The following SFTPB variants were observed in gnomAD, a reference collection of about 807,000 sequenced individuals.
SFTPB encodes the protein surfactant protein B.
Under a neutral mutation model 51.0 loss-of-function variants are expected in SFTPB, and 32 were observed. The observed-to-expected ratio is 0.63, with a 90% CI of 0.47 to 0.84. The LOEUF is 0.84. SFTPB is among the 40% of genes least tolerant of loss of function. The pLI is 0.00. For synonymous variants in SFTPB, 211 were observed against 208.5 expected (o/e 1.01, Z -0.10); for missense variants, 431 against 491.2 (o/e 0.88, Z 1.16).
intron 8 of SFTPB, among the ~76,000 whole-genome samples, chr2:85,662,609 G>A (rs1349317436): frequency 1.3e-5 from 2 of 152,150 alleles, no homozygotes; most frequent in Non-Finnish European, 2.9e-5. Context: ...GGGAGGCCAA[G>A]GCGGGCAGAT....
At chr2:85,666,457 G>T (rs1163893322) in intron 4 of SFTPB, 160 bp downstream of exon 4, 2 of 640,072 alleles carry the variant, frequency 3.1e-6, no homozygotes, top group South Asian at 1.8e-5. Flanking sequence ...CCGGCTGGCT[G>T]GGGTGCTGTG....
rs1053656713 is a variant in SFTPB, at chr2:85,659,305, G to A, written c.*397C>T. ...CCAATCTTTGAGTGCATGGGGGTGG[G>A]TGTGAGGCGGGGCTCAGCTTCAACC... is the stretch of plus-strand genomic sequence containing the variant. On this transcript the variant is annotated 3_prime_UTR_variant, in exon 11 of 11. Coordinates refer to ENST00000519937, the MANE Select transcript of SFTPB (RefSeq NM_000542.5). 3.3e-5 allele frequency: 5 copies of A among 152,232 alleles called. No individual in the cohort carries two copies. Among genetic ancestry groups the A allele is most frequent in the Admixed American group, 3.3e-4 (5 of 15,278 alleles). 9.4% of individuals were successfully genotyped at this position (152,232 alleles called of 1,614,324 possible).
Position 85,663,805 on chromosome 2 carries a change from G to A in SFTPB, c.715C>T (p.Pro239Ser). 6.2e-7 allele frequency: 1 copy of A among 1,600,796 alleles called. No homozygotes were observed. The highest frequency in any genetic ancestry group is 2.3e-5 in the East Asian group (1 of 44,294). Residue 239 changes from proline to serine, a missense_variant, in exon 7 of 11, where the codon CCT becomes TCT. Transcript: ENST00000519937. The stretch of plus-strand genomic sequence containing the variant: ...TGGCAGATGCCGCCCGCCACCAGAG[G>A]TACCACGCGGCACACCTGGGCCACT... ...VAVAQVCRVV[P>S]LVAGGICQCL...
At chr2:85,666,494 TG>T in intron 4 of SFTPB, 122 bp downstream of exon 4, 4 of 123,622 alleles carry the variant, frequency 3.2e-5, no homozygotes, top group South Asian at 1.0e-4. Context: ...GCTTGGGTGC[TG>T]TGTGTGTGTG....
At chr2:85,666,398 T>C in intron 4 of SFTPB, 1 of 526,384 alleles carries the variant, frequency 1.9e-6, no homozygotes, top group Non-Finnish European at 3.5e-6. Flanking sequence ...GTACTGTGTG[T>C]GTGTGTGTCC....
chr2:85,666,215 C>CTGTG (rs34530476), intron 4 of SFTPB, among the ~76,000 whole-genome samples: 29,125 of 96,108 alleles, frequency 0.3, 4,558 homozygotes, highest in East Asian at 0.56. Context: ...TGTGTGTGTG[C>CTGTG]TGTGTGTGTG....
intron 8 of SFTPB, among the ~76,000 whole-genome samples, chr2:85,662,639 G>A (rs1333671690): frequency 6.6e-6 from 1 of 152,000 alleles, no homozygotes; most frequent in Non-Finnish European, 1.5e-5. Context: ...TCAGGGGTTC[G>A]AGACCAGCCT....
chr2:85,668,275 G>A (rs1189205953), upstream of SFTPB: 1 of 1,271,950 alleles, frequency 7.9e-7, no homozygotes, highest in East Asian at 2.6e-5. Context: ...AGCGACCTCA[G>A]TGTTTGTCTT....
chr2:85,663,597 C>A (rs1024857486), intron 7 of SFTPB, 67 bp downstream of exon 7: 1 of 1,593,382 alleles, frequency 6.3e-7, no homozygotes, highest in South Asian at 1.1e-5. Context: ...GGGAGAGGGT[C>A]ATGCAGTGGC....
chr2:85,666,223 G>GC (rs1553381039), intron 4 of SFTPB, among the ~76,000 whole-genome samples: 4 of 142,612 alleles, frequency 2.8e-5, no homozygotes, highest in African/African-American at 1.0e-4. Context: ...TGCTGTGTGT[G>GC]TGTGTGTGTG....
In SFTPB at chr2:85,659,262, T is replaced by A. The variant is rs1162251615; in HGVS notation, c.*440A>T. 6.6e-6 allele frequency: 1 copy of A among 152,236 alleles called. No homozygotes were observed. Among genetic ancestry groups the A allele is most frequent in the Non-Finnish European group, 1.5e-5 (1 of 68,044 alleles). 9.4% of individuals were successfully genotyped at this position (152,236 alleles called of 1,614,324 possible). On this transcript the variant is annotated 3_prime_UTR_variant, in exon 11 of 11. Coordinates refer to ENST00000519937, the MANE Select transcript of SFTPB (RefSeq NM_000542.5). The stretch of plus-strand genomic sequence containing the variant: ...TTTTTTATTCTTCTGAATTTTGAAT[T>A]GCAAGTAGCTGTAAAATCCAATCTT...
chr2:85,661,558 G>T (rs901522764), intron 9 of SFTPB, 23 bp from the exon 10 acceptor site: 1 of 1,598,746 alleles, frequency 6.3e-7, no homozygotes, highest in Admixed American at 1.7e-5. Context: ...CAGCACCAGG[G>T]CTGAGGCCTG....
chr2:85,667,258 G>C (rs993315373), intron 2 of SFTPB, 81 bp from the exon 3 acceptor site: 5 of 1,023,342 alleles, frequency 4.9e-6, no homozygotes, highest in South Asian at 3.8e-5. Context: ...CTCTTAGGAA[G>C]AGGCCAACAG....
At chr2:85,667,917 CAT>C (rs1677738814) in intron 1 of SFTPB, 111 bp from the exon 2 acceptor site, 2 of 1,488,100 alleles carry the variant, frequency 1.3e-6, no homozygotes, top group African/African-American at 1.4e-5. Context: ...GGCCATTAAA[CAT>C]GTGGACGTCA....
rs953127570 is a variant in SFTPB at position 85,663,883 on chromosome 2, T to C, written c.673-36A>G. 9.7e-6 allele frequency: 15 copies of C among 1,548,446 alleles called. No individual in the cohort carries two copies. The Admixed American group carries it at 2.5e-4, about 25-fold the overall frequency. On this transcript the variant is annotated intron_variant, in intron 6 of 10. Transcript: ENST00000519937. ...GGCGGAGAGAGGCCAGCATGGGACC[T>C]TCACTTGGCAAGCCTCCACTCTCTG...
intron 10 of SFTPB, among the ~76,000 whole-genome samples, chr2:85,660,444 C>CCT (rs1677232999): frequency 1.0e-5 from 1 of 97,464 alleles, no homozygotes; most frequent in African/African-American, 4.7e-5. Context: ...AAAGAAATAC[C>CCT]TTTTTTTTTT....
Position 85,661,557 on chromosome 2 carries a change from G to T in SFTPB, c.1084-22C>A, listed in dbSNP as rs1161458328. 3.1e-6 allele frequency: 5 copies of T among 1,603,460 alleles called. No individual in the cohort carries two copies. The Admixed American group carries it at 8.5e-5, about 27-fold the overall frequency. On this transcript the variant is annotated intron_variant, in intron 9 of 10. Coordinates refer to ENST00000519937, the MANE Select transcript of SFTPB (RefSeq NM_000542.5). ...GGGCCTGTCACAGGGACAGCACCAG[G>T]GCTGAGGCCTGGGCCCCCTCAGCTC... is the stretch of plus-strand genomic sequence containing the variant.
At chr2:85,661,615 C>T in intron 9 of SFTPB, 80 bp from the exon 10 acceptor site, 1 of 1,174,470 alleles carries the variant, frequency 8.5e-7, no homozygotes, top group Non-Finnish European at 1.2e-6. Flanking sequence ...AAGAACAGCA[C>T]TCACTCCACC....
chr2:85,659,143 C>T lies in SFTPB; in HGVS notation c.*559G>A, dbSNP rs1677172396. 1 of 152,160 alleles carries T rather than the reference C, an allele frequency of 6.6e-6. No homozygotes were observed. The highest frequency in any genetic ancestry group is 1.5e-5 in the Non-Finnish European group (1 of 68,024). The allele number at this position is 152,160 out of a possible 1,614,324, so 9.4% of individuals were successfully genotyped here. ...CCCATCATGCCAGAGCGTGCAGTGTCCACCCTTGACTACGCTGGGGAATTG... is the reference window on the plus strand; with the variant it reads ...CCCATCATGCCAGAGCGTGCAGTGTTCACCCTTGACTACGCTGGGGAATTG... On this transcript the variant is annotated 3_prime_UTR_variant, in exon 11 of 11. Coordinates refer to ENST00000519937, the MANE Select transcript of SFTPB (RefSeq NM_000542.5).
Sources: gnomAD v4.1 joint callset for allele counts (sites outside exome capture counted in the v4.1 genomes callset) on GRCh38, gnomAD v4.1.1 for gene constraint, MANE v1.5 for transcripts, NCBI Gene and HGNC (gene_info 2026-07-23, HGNC 2026-07-21) for gene names.